Variants in CEP350 observed in about 807,000 individuals in gnomAD.
The protein encoded by CEP350 is centrosome-associated protein 350.
Under a neutral mutation model 331.8 loss-of-function variants are expected in CEP350, and 126 were observed. The observed-to-expected ratio is 0.38, with a 90% CI of 0.33 to 0.44. CEP350 has a LOEUF of 0.44. Ranked by LOEUF, CEP350 falls within the 20% of genes least tolerant of loss-of-function variation. The pLI, the probability that CEP350 is intolerant of heterozygous loss-of-function variation, is 1.00. For missense variants in CEP350, 3,406 were observed against 3,634.6 expected, an observed-to-expected ratio of 0.94 and a Z score of 1.62; for synonymous variants, 1,200 against 1,259.5, an observed-to-expected ratio of 0.95 and a Z score of 1.00.
At chr1:180,018,591 C>G (rs1016680301) in intron 11 of CEP350, among the ~76,000 whole-genome samples, 3 of 152,176 alleles carry the variant, frequency 2.0e-5, no homozygotes, top group Admixed American at 2.0e-4. Flanking sequence ...TAATGACATG[C>G]TTTTCAACTT....
chr1:180,046,099 TG>T (rs1657100301), intron 21 of CEP350, among the ~76,000 whole-genome samples: 1 of 152,232 alleles, frequency 6.6e-6, no homozygotes, highest in Admixed American at 6.5e-5. Context: ...CCTACAGCAC[TG>T]TGAGTATAGC....
chr1:180,029,777 T>G (rs919205104), intron 14 of CEP350, among the ~76,000 whole-genome samples: 4 of 152,214 alleles, frequency 2.6e-5, no homozygotes, highest in African/African-American at 9.6e-5. Context: ...TCCAGAACAT[T>G]TTCATCATCC....
chr1:179,970,943 T>G (rs1439644314), intron 1 of CEP350, among the ~76,000 whole-genome samples: 3 of 152,230 alleles, frequency 2.0e-5, no homozygotes, highest in Non-Finnish European at 4.4e-5. Flanking sequence ...GTTTACTGTA[T>G]TTGAAATTTT....
intron 8 of CEP350, 23 bp from the exon 9 acceptor site, chr1:180,011,906 T>A: frequency 6.5e-7 from 1 of 1,542,614 alleles, no homozygotes; most frequent in Non-Finnish European, 8.8e-7. Flanking sequence ...AAGTTTTAAT[T>A]TCAGTGCCAT....
chr1:180,082,164 A>G (rs1659610667), intron 30 of CEP350, among the ~76,000 whole-genome samples: 1 of 152,236 alleles, frequency 6.6e-6, no homozygotes, highest in Non-Finnish European at 1.5e-5. Flanking sequence ...TGAGTTATGC[A>G]CCAAGGATTA....
chr1:180,056,692 A>G lies in CEP350; in HGVS notation c.5262+2190A>G, dbSNP rs368655980. On this transcript the variant is annotated intron_variant, in intron 25 of 37. Coordinates refer to ENST00000367607, the MANE Select transcript of CEP350 (RefSeq NM_014810.5). ...ACCCAGGCTGGTCTTGAACTCCTGGACTCAAGTGATCCCCCCACGTTGGCC... is the reference window on the plus strand; with the variant it reads ...ACCCAGGCTGGTCTTGAACTCCTGGGCTCAAGTGATCCCCCCACGTTGGCC... Among the ~76,000 whole-genome samples, 45 of 151,630 alleles carry G rather than the reference A, an allele frequency of 3.0e-4. No individual in the cohort carries two copies. In the East Asian group the frequency reaches 8.2e-3, roughly 27 times the overall value.
chr1:180,094,662 T>G (rs1323417320), intron 34 of CEP350, 46 bp downstream of exon 34: 2 of 1,559,906 alleles, frequency 1.3e-6, no homozygotes, highest in Admixed American at 4.1e-5. Context: ...TTTTGACACT[T>G]TTAACAAGGC....
In CEP350 at chr1:180,048,569, T is replaced by C; in HGVS notation, c.4656T>C (p.Pro1552=). The C allele has an allele frequency of 6.2e-7, 1 of 1,609,628 alleles. No individual in the cohort carries two copies. Among genetic ancestry groups the C allele is most frequent in the East Asian group, 2.2e-5 (1 of 44,850 alleles). The change falls in exon 22 of 38, where the codon CCT becomes CCC. Residue 1552 remains proline, a synonymous_variant. Coordinates refer to ENST00000367607, the MANE Select transcript of CEP350 (RefSeq NM_014810.5). ...GTGGTAGCAGCCGCCAAGAAAGTCCTTCAGTTCCATCTTGTAAGGAAAATG... is the reference window on the plus strand; with the variant it reads ...GTGGTAGCAGCCGCCAAGAAAGTCCCTCAGTTCCATCTTGTAAGGAAAATG... ...SSSGSSRQES[P]SVPSCKENEK... is the part of the protein sequence containing the mutation.
At chr1:179,982,948 G>C (rs1652386201) in intron 1 of CEP350, among the ~76,000 whole-genome samples, 1 of 152,016 alleles carries the variant, frequency 6.6e-6, no homozygotes, top group African/African-American at 2.4e-5. Context: ...CCGCCACCAT[G>C]CCTGGCTAAT....
At chr1:179,955,879 A>C (rs1268238071) in intron 1 of CEP350, among the ~76,000 whole-genome samples, 1 of 152,162 alleles carries the variant, frequency 6.6e-6, no homozygotes, top group Non-Finnish European at 1.5e-5. Context: ...CATGTACTCC[A>C]CCTGATTGTT....
intron 7 of CEP350, among the ~76,000 whole-genome samples, chr1:180,005,602 A>G (rs1326614883): frequency 2.0e-5 from 3 of 152,138 alleles, no homozygotes; most frequent in Non-Finnish European, 2.9e-5. Context: ...CTAAAAATTA[A>G]TTTAGATTAA....
At position 180,003,205 on chromosome 1, in the gene CEP350, A is replaced by G. The variant is rs1415878650; in HGVS notation, c.1050A>G (p.Thr350=). ...ACCCTTCAGAGACCAAGATTCGAAC[A>G]CCTGATGGGAAAGTGTGGCAGGAGG... ...GFNPSETKIR[T]PDGKVWQEAE... is the part of the protein sequence containing the mutation. Residue 350 remains threonine, a synonymous_variant, in exon 7 of 38, where the codon ACA becomes ACG. Coordinates refer to ENST00000367607, the MANE Select transcript of CEP350 (RefSeq NM_014810.5). 1.9e-6 allele frequency: 3 copies of G among 1,613,338 alleles called. No individual in the cohort carries two copies. Among genetic ancestry groups the G allele is most frequent in the Middle Eastern group, 1.7e-4 (1 of 6,058 alleles).
At chr1:180,042,128 T>TCACACACACACACACA in intron 19 of CEP350, among the ~76,000 whole-genome samples, 1 of 77,248 alleles carries the variant, frequency 1.3e-5, no homozygotes, top group Non-Finnish European at 2.9e-5. Flanking sequence ...TGGTGAGTTT[T>TCACACACACACACACA]CTCTCACACA....
rs78927829 is a variant in CEP350 at position 180,052,236 on chromosome 1, G to T, written c.4793-734G>T. ...TTCTTTTTTTAAGAGACGGGGTCTTGCTCTGTCACCCAGGCTGGTCTCGAA... is the reference window on the plus strand; with the variant it reads ...TTCTTTTTTTAAGAGACGGGGTCTTTCTCTGTCACCCAGGCTGGTCTCGAA... On this transcript the variant is annotated intron_variant, in intron 22 of 37. Coordinates refer to ENST00000367607, the MANE Select transcript of CEP350 (RefSeq NM_014810.5). 2.9e-3 allele frequency: 1,318 copies of T among 453,784 alleles called. 4 individuals carry two copies. Among genetic ancestry groups the T allele is most frequent in the Non-Finnish European group, 4.1e-3 (930 of 226,384 alleles). The allele number at this position is 453,784 out of a possible 1,614,324, so 28.1% of individuals were successfully genotyped here.
rs1336951509 is a variant in CEP350, at chr1:180,031,380, G to A, written c.3611G>A (p.Arg1204His). The change falls in exon 15 of 38, where the codon CGT (arginine) becomes CAT (histidine). Residue 1204 changes from arginine to histidine, a missense_variant. Physicochemically the swap from Arg to His is conservative, Grantham distance 29. Coordinates refer to ENST00000367607, the MANE Select transcript of CEP350 (RefSeq NM_014810.5). ...NSLLDEEKAE[R>H]GSHQGKKSGT... ...CTTCTTGATGAGGAAAAAGCAGAAC[G>A]TGGCTCCCATCAAGGAAAGAAATCT... 7 of 1,607,848 alleles carry A rather than the reference G, an allele frequency of 4.4e-6. No individual in the cohort carries two copies. Among genetic ancestry groups the A allele is most frequent in the Admixed American group, 1.7e-5 (1 of 59,636 alleles).
At chr1:179,959,261 G>A (rs1301104058) in intron 1 of CEP350, among the ~76,000 whole-genome samples, 3 of 152,062 alleles carry the variant, frequency 2.0e-5, no homozygotes, top group African/African-American at 4.8e-5. Context: ...GTTCGAGACC[G>A]GCCTGGCCAA....
intron 28 of CEP350, among the ~76,000 whole-genome samples, chr1:180,076,537 C>T (rs959417310): frequency 6.6e-6 from 1 of 152,036 alleles, no homozygotes; most frequent in African/African-American, 2.4e-5. Flanking sequence ...ACCTGTAATC[C>T]CAACACTTTG....
intron 21 of CEP350, among the ~76,000 whole-genome samples, chr1:180,047,757 C>CAAAAA (rs5779043): frequency 1.0e-3 from 77 of 73,420 alleles, no homozygotes; most frequent in African/African-American, 1.6e-3. Context: ...TGAAACTCCT[C>CAAAAA]AAAAAAAAAA....
At chr1:179,958,043 C>A (rs568629142) in intron 1 of CEP350, among the ~76,000 whole-genome samples, 59 of 152,220 alleles carry the variant, frequency 3.9e-4, no homozygotes, top group African/African-American at 1.4e-3. Flanking sequence ...GGAGAAGAAT[C>A]CATTGCACAG....
Sources: gnomAD v4.1 joint callset for allele counts (sites outside exome capture counted in the v4.1 genomes callset) on GRCh38, gnomAD v4.1.1 for gene constraint, MANE v1.5 for transcripts, NCBI Gene and HGNC (gene_info 2026-07-23, HGNC 2026-07-21) for gene names.